FCHSD2: variants seen among roughly 807,000 people sequenced by gnomAD.
The protein encoded by FCHSD2 is F-BAR and double SH3 domains protein 2.
Under a neutral mutation model 108.1 loss-of-function variants are expected in FCHSD2, and 38 were observed. The observed-to-expected ratio is 0.35, with a 90% CI of 0.27 to 0.46. The LOEUF is 0.46. Among genes scored for constraint, FCHSD2 ranks in the 20% least tolerant of loss-of-function variants. The pLI, the probability that FCHSD2 is intolerant of heterozygous loss-of-function variation, is 1.00. For missense variants in FCHSD2, 751 were observed against 897.8 expected (o/e 0.84, Z 2.09); for synonymous variants, 279 against 314.7 (o/e 0.89, Z 1.20).
intron 4 of FCHSD2, among the ~76,000 whole-genome samples, chr11:73,008,568 A>G (rs1857792734): frequency 6.6e-6 from 1 of 152,220 alleles, no homozygotes; most frequent in Non-Finnish European, 1.5e-5. Flanking sequence ...TGAGGTGCCC[A>G]AAGGTTGGAA....
intron 4 of FCHSD2, among the ~76,000 whole-genome samples, chr11:73,008,928 A>G (rs1352066963): frequency 6.6e-6 from 1 of 152,122 alleles, no homozygotes; most frequent in East Asian, 1.9e-4. Context: ...ACCAGTTCAT[A>G]GTCAAGATTT....
chr11:72,933,621 T>C (rs550217761), intron 8 of FCHSD2, among the ~76,000 whole-genome samples: 11 of 152,296 alleles, frequency 7.2e-5, no homozygotes, highest in South Asian at 2.1e-4. Context: ...TTTGGTTGCA[T>C]TGTAAGGAAA....
intron 3 of FCHSD2, among the ~76,000 whole-genome samples, chr11:73,079,966 TAAACA>T (rs1342560849): frequency 1.3e-5 from 2 of 152,148 alleles, no homozygotes; most frequent in Non-Finnish European, 2.9e-5. Flanking sequence ...TAGGATTGTA[TAAACA>T]AAACTAGTTA....
chr11:72,980,689 AT>A (rs1857197288), intron 8 of FCHSD2, among the ~76,000 whole-genome samples: 1 of 148,960 alleles, frequency 6.7e-6, no homozygotes, highest in African/African-American at 2.5e-5. Context: ...ATATATATAT[AT>A]ATATATAATG....
chr11:72,861,309 A>G (rs1861566941), intron 13 of FCHSD2, among the ~76,000 whole-genome samples: 1 of 151,986 alleles, frequency 6.6e-6, no homozygotes. Flanking sequence ...TCCTTAAAAG[A>G]GACAACTTAC....
chr11:73,015,658 T>C (rs1358238770), intron 4 of FCHSD2, 151 bp downstream of exon 4: 1 of 505,674 alleles, frequency 2.0e-6, no homozygotes, highest in East Asian at 3.4e-5. Flanking sequence ...TTATAAAACA[T>C]TAAAATTTTG....
intron 10 of FCHSD2, among the ~76,000 whole-genome samples, chr11:72,891,935 G>A (rs1227639590): frequency 6.6e-6 from 1 of 152,106 alleles, no homozygotes; most frequent in Non-Finnish European, 1.5e-5. Context: ...AAAATTACTT[G>A]AAACAAAAAT....
At chr11:73,067,425 C>T (rs1160719434) in intron 3 of FCHSD2, among the ~76,000 whole-genome samples, 4 of 151,872 alleles carry the variant, frequency 2.6e-5, no homozygotes, top group African/African-American at 9.7e-5. Flanking sequence ...CACATTACAC[C>T]TATGTAACAA....
chr11:73,094,876 G>A lies in FCHSD2; in HGVS notation c.120-11136C>T, dbSNP rs566947150. Among the ~76,000 whole-genome samples, 467 of 152,200 alleles carry A rather than the reference G, an allele frequency of 3.1e-3. 1 individual carries two copies. Among genetic ancestry groups the A allele is most frequent in the African/African-American group, 0.011 (446 of 41,538 alleles). On this transcript the variant is annotated intron_variant, in intron 2 of 19. Transcript: ENST00000409418. ...AATACAAACAAAAATATTTTTTAAC[G>A]AGGCAAGCGGAACGAACAACTGAAG...
At chr11:72,933,652 A>G (rs1856239778) in intron 8 of FCHSD2, among the ~76,000 whole-genome samples, 1 of 152,222 alleles carries the variant, frequency 6.6e-6, no homozygotes, top group African/African-American at 2.4e-5. Flanking sequence ...TCACATGGAC[A>G]ATAAATTGCA....
At chr11:73,025,560 T>C (rs574586863) in intron 3 of FCHSD2, among the ~76,000 whole-genome samples, 16 of 152,138 alleles carry the variant, frequency 1.1e-4, no homozygotes, top group African/African-American at 3.9e-4. Context: ...AATACCTGGG[T>C]GATGCAATAA....
At chr11:72,940,775 A>G in intron 8 of FCHSD2, 1 of 850,744 alleles carries the variant, frequency 1.2e-6, no homozygotes, top group Admixed American at 1.7e-5. Context: ...AATCAGCTAA[A>G]GTTTGCCTGA....
intron 5 of FCHSD2, among the ~76,000 whole-genome samples, chr11:72,998,243 T>G (rs1857557581): frequency 6.6e-6 from 1 of 152,152 alleles, no homozygotes; most frequent in Non-Finnish European, 1.5e-5. Flanking sequence ...AGGTAGATTG[T>G]AGTAAGTTAA....
At chr11:73,058,414 T>G (rs1859081424) in intron 3 of FCHSD2, among the ~76,000 whole-genome samples, 1 of 152,232 alleles carries the variant, frequency 6.6e-6, no homozygotes, top group South Asian at 2.1e-4. Context: ...AATTTGCCCA[T>G]CAATTATCTA....
At chr11:72,958,992 TATGTGTGTGTGTGTG>T (rs1565342130) in intron 8 of FCHSD2, among the ~76,000 whole-genome samples, 13 of 127,422 alleles carry the variant, frequency 1.0e-4, no homozygotes, top group South Asian at 2.3e-4. Flanking sequence ...ATCAGTAAGA[TATGTGTGTGTGTGTG>T]TGTGTGTGTG....
At chr11:73,107,035 C>CTA (rs138664316) in intron 2 of FCHSD2, among the ~76,000 whole-genome samples, 7,678 of 149,040 alleles carry the variant, frequency 0.052, 480 homozygotes, top group African/African-American at 0.15. Context: ...GTTAGAAAAG[C>CTA]TATATATATA....
intron 2 of FCHSD2, among the ~76,000 whole-genome samples, chr11:73,110,156 T>A (rs1471509446): frequency 1.4e-5 from 2 of 147,798 alleles, no homozygotes; most frequent in African/African-American, 4.9e-5. Context: ...TCTTCTTTTT[T>A]TTTTTGATGT....
rs145148955 is a variant in FCHSD2 at position 72,905,726 on chromosome 11, T to C, written c.829-3088A>G. Among the ~76,000 whole-genome samples the C allele has an allele frequency of 3.5e-3, 526 of 152,270 alleles. 2 individuals are homozygous for C. Among genetic ancestry groups the C allele is most frequent in the African/African-American group, 0.012 (494 of 41,574 alleles). On this transcript the variant is annotated intron_variant, in intron 9 of 19. Coordinates refer to ENST00000409418, the MANE Select transcript of FCHSD2 (RefSeq NM_014824.3). ...TCCTTGTGATAGTTTGCTTAGAATATTGGTTTCCAACTTCATCAATGTCCC... is the reference window on the plus strand; with the variant it reads ...TCCTTGTGATAGTTTGCTTAGAATACTGGTTTCCAACTTCATCAATGTCCC...
intron 3 of FCHSD2, among the ~76,000 whole-genome samples, chr11:73,082,513 A>C (rs1474075999): frequency 6.6e-6 from 1 of 152,058 alleles, no homozygotes; most frequent in Non-Finnish European, 1.5e-5. Flanking sequence ...TTTTCTTCTA[A>C]GATTATCAAA....
Sources: gnomAD v4.1 joint callset for allele counts (sites outside exome capture counted in the v4.1 genomes callset) on GRCh38, gnomAD v4.1.1 for gene constraint, MANE v1.5 for transcripts, NCBI Gene and HGNC (gene_info 2026-07-23, HGNC 2026-07-21) for gene names.